PTPRD: variants seen among roughly 807,000 people sequenced by gnomAD.
PTPRD encodes the protein protein tyrosine phosphatase receptor type D, also known as receptor-type tyrosine-protein phosphatase delta.
A neutral mutation model predicts 214.5 loss-of-function variants in PTPRD; 34 were observed. The ratio of observed to expected loss-of-function variants is 0.16; its 90% confidence interval spans 0.12 to 0.21. PTPRD has a LOEUF of 0.21. Among genes scored for constraint, PTPRD ranks in the 10% least tolerant of loss-of-function variants. PTPRD has a pLI of 1.00. For missense variants in PTPRD, 2,545 were observed against 2,398.7 expected (o/e 1.06, Z -1.27); for synonymous variants, 1,128 against 845.7 (o/e 1.33, Z -5.79).
chr9:8,404,478 T>C (rs2092768558), intron 36 of PTPRD, 59 bp downstream of exon 36: 1 of 1,571,820 alleles, frequency 6.4e-7, no homozygotes, highest in East Asian at 2.3e-5. Context: ...AACAATATTC[T>C]CATGCACATA....
chr9:8,467,924 G>C (rs531136623), intron 31 of PTPRD, among the ~76,000 whole-genome samples: 2 of 152,044 alleles, frequency 1.3e-5, no homozygotes, highest in African/African-American at 4.8e-5. Flanking sequence ...AACAGTTTTT[G>C]AAGCTGGGTA....
chr9:8,501,105 G>A, intron 23 of PTPRD, 46 bp from the exon 24 acceptor site: 3 of 1,419,462 alleles, frequency 2.1e-6, no homozygotes, highest in Non-Finnish European at 2.9e-6. Flanking sequence ...GAAAGGACAG[G>A]AGTGGTTGAA....
intron 3 of PTPRD, among the ~76,000 whole-genome samples, chr9:10,198,717 A>G (rs2099407711): frequency 6.6e-6 from 1 of 152,160 alleles, no homozygotes; most frequent in African/African-American, 2.4e-5. Context: ...ATTCTGCAGC[A>G]GATTAATAAG....
intron 10 of PTPRD, among the ~76,000 whole-genome samples, chr9:9,067,304 G>A (rs2099736269): frequency 6.6e-6 from 1 of 152,150 alleles, no homozygotes; most frequent in Admixed American, 6.5e-5. Context: ...GTATTTTTGT[G>A]TTTATTACAG....
At chr9:8,459,312 A>G (rs1240514214) in intron 33 of PTPRD, among the ~76,000 whole-genome samples, 2 of 152,094 alleles carry the variant, frequency 1.3e-5, no homozygotes, top group South Asian at 2.1e-4. Context: ...GAGAGAAGCT[A>G]TCTTGTAGTA....
chr9:8,593,640 T>C (rs2094280354), intron 14 of PTPRD, among the ~76,000 whole-genome samples: 3 of 152,204 alleles, frequency 2.0e-5, no homozygotes, highest in Admixed American at 1.3e-4. Context: ...TTTGATTCTT[T>C]ATTGGTGTGA....
intron 9 of PTPRD, among the ~76,000 whole-genome samples, chr9:9,293,633 G>A (rs912465870): frequency 4.6e-5 from 7 of 151,416 alleles, no homozygotes; most frequent in South Asian, 2.1e-4. Flanking sequence ...CGTATATACC[G>A]TAATACCCCC....
chr9:9,765,037 A>G (rs1263596011), intron 6 of PTPRD, among the ~76,000 whole-genome samples: 1 of 152,124 alleles, frequency 6.6e-6, no homozygotes, highest in Non-Finnish European at 1.5e-5. Context: ...CACAACAGAG[A>G]TTTGTGCCTG....
chr9:8,700,305 C>T (rs2098045638), intron 12 of PTPRD, among the ~76,000 whole-genome samples: 1 of 152,170 alleles, frequency 6.6e-6, no homozygotes, highest in African/African-American at 2.4e-5. Context: ...CCTCGAATTC[C>T]ACTAAGAAGA....
chr9:10,360,871 G>T (rs546032711), intron 2 of PTPRD, among the ~76,000 whole-genome samples: 2 of 152,174 alleles, frequency 1.3e-5, no homozygotes, highest in Admixed American at 1.3e-4. Flanking sequence ...GGGAGGCCAA[G>T]ACGGGCAGAT....
At chr9:10,422,762 C>G (rs1237378365) in intron 2 of PTPRD, among the ~76,000 whole-genome samples, 1 of 152,098 alleles carries the variant, frequency 6.6e-6, no homozygotes, top group East Asian at 1.9e-4. Context: ...GAGATACTAT[C>G]TCACACAAGT....
intron 39 of PTPRD, among the ~76,000 whole-genome samples, chr9:8,364,317 T>C (rs566765592): frequency 3.3e-5 from 5 of 152,346 alleles, no homozygotes; most frequent in African/African-American, 9.6e-5. Context: ...ATTTGGCACA[T>C]GGGTTATCAT....
Position 9,591,765 on chromosome 9 carries a change from G to C in PTPRD, c.-286-16984C>G, listed in dbSNP as rs144527703. Among the ~76,000 whole-genome samples, 1,338 of 152,080 alleles carry C rather than the reference G, an allele frequency of 8.8e-3. 21 individuals are homozygous for C. Among genetic ancestry groups the C allele is most frequent in the African/African-American group, 0.031 (1,274 of 41,518 alleles). On this transcript the variant is annotated intron_variant, in intron 7 of 45. Transcript: ENST00000381196. Reference sequence around the variant, plus strand: ...GTTACATTATGTAATGATCAAATCAGGGTCATTAGCATATTCATCACCTCA... The same window carrying C: ...GTTACATTATGTAATGATCAAATCACGGTCATTAGCATATTCATCACCTCA...
At chr9:8,980,895 A>T (rs989427055) in intron 11 of PTPRD, among the ~76,000 whole-genome samples, 1 of 152,046 alleles carries the variant, frequency 6.6e-6, no homozygotes, top group Non-Finnish European at 1.5e-5. Flanking sequence ...TAACATATGC[A>T]TTTTTTCAGG....
intron 2 of PTPRD, among the ~76,000 whole-genome samples, chr9:10,355,537 G>A (rs981619123): frequency 4.7e-5 from 7 of 148,792 alleles, no homozygotes; most frequent in Admixed American, 1.3e-4. Context: ...GGAGTGCAAC[G>A]GCACGATCTC....
intron 9 of PTPRD, among the ~76,000 whole-genome samples, chr9:9,211,354 T>C (rs1379702332): frequency 6.6e-6 from 1 of 152,208 alleles, no homozygotes; most frequent in Non-Finnish European, 1.5e-5. Context: ...ATAGGTCTTG[T>C]GTCCTAAGTT....
At chr9:9,207,929 CT>C (rs2099945906) in intron 9 of PTPRD, among the ~76,000 whole-genome samples, 1 of 147,796 alleles carries the variant, frequency 6.8e-6, no homozygotes, top group Admixed American at 6.9e-5. Flanking sequence ...CGTAGTATAT[CT>C]TTTAGTGAAA....
At chr9:10,561,278 T>C (rs2063901981) in intron 2 of PTPRD, among the ~76,000 whole-genome samples, 1 of 152,154 alleles carries the variant, frequency 6.6e-6, no homozygotes, top group South Asian at 2.1e-4. Flanking sequence ...TTTTATAAGA[T>C]GGAAACAGAA....
chr9:9,614,989 G>C (rs762810327), intron 7 of PTPRD, among the ~76,000 whole-genome samples: 10 of 152,122 alleles, frequency 6.6e-5, no homozygotes, highest in Non-Finnish European at 8.8e-5. Context: ...AGAAGGCACT[G>C]GGGAGAAATT....
Sources: gnomAD v4.1 joint callset for allele counts (sites outside exome capture counted in the v4.1 genomes callset) on GRCh38, gnomAD v4.1.1 for gene constraint, MANE v1.5 for transcripts, NCBI Gene and HGNC (gene_info 2026-07-23, HGNC 2026-07-21) for gene names.